BIRC6: variants seen among roughly 807,000 people sequenced by gnomAD.
BIRC6 encodes dual E2 ubiquitin-conjugating enzyme/E3 ubiquitin-protein ligase BIRC6.
Under a neutral mutation model 503.3 loss-of-function variants are expected in BIRC6, and 98 were observed. The ratio of observed to expected loss-of-function variants is 0.19; its 90% CI spans 0.17 to 0.23. The LOEUF (loss-of-function observed/expected upper bound fraction) is 0.23. Among genes scored for constraint, BIRC6 ranks in the 10% least tolerant of loss-of-function variants. The pLI, the probability that BIRC6 is intolerant of heterozygous loss-of-function variation, is 1.00. For synonymous variants in BIRC6, 2,240 were observed against 2,078.7 expected (o/e 1.08, Z -2.11); for missense variants, 5,360 against 5,806.0 (o/e 0.92, Z 2.50).
chr2:32,581,171 G>T (rs2060650608), intron 66 of BIRC6, among the ~76,000 whole-genome samples: 1 of 152,166 alleles, frequency 6.6e-6, no homozygotes, highest in African/African-American at 2.4e-5. Flanking sequence ...GAATGGCAGG[G>T]TGAGACTCCA....
At chr2:32,402,212 G>T (rs945140113) in intron 8 of BIRC6, among the ~76,000 whole-genome samples, 1 of 152,172 alleles carries the variant, frequency 6.6e-6, no homozygotes, top group Non-Finnish European at 1.5e-5. Flanking sequence ...GATTTTTGTG[G>T]TGGGGTGGGA....
chr2:32,357,943 C>T lies in BIRC6; in HGVS notation c.325+457C>T, dbSNP rs371867828. Among the ~76,000 whole-genome samples, 848 of 151,940 alleles carry T rather than the reference C, an allele frequency of 5.6e-3. 9 individuals carry two copies. The highest frequency in any genetic ancestry group is 0.017 in the South Asian group (81 of 4,812). On this transcript the variant is annotated intron_variant, in intron 1 of 73. Transcript: ENST00000421745. The surrounding 1 kb of genome is among the most constrained non-coding windows in gnomAD (Gnocchi z 4.9). The stretch of plus-strand genomic sequence containing the variant: ...GAGCGTCTGAGCCGGCAACCAAGCC[C>T]TCCCTTGTGGGAGAGGAGCCGGCAG...
At chr2:32,564,382 A>G (rs61406788) in intron 65 of BIRC6, 215 of 152,158 alleles carry the variant, frequency 1.4e-3, no homozygotes, top group African/African-American at 5.0e-3. Context: ...GTTGATGTCT[A>G]TTTGTTTTTG....
intron 1 of BIRC6, among the ~76,000 whole-genome samples, chr2:32,375,698 T>C (rs886576160): frequency 6.6e-6 from 1 of 152,058 alleles, no homozygotes; most frequent in Admixed American, 6.5e-5. Flanking sequence ...ATTTACCGTA[T>C]TGATAAGTGC....
chr2:32,510,618 C>G lies in BIRC6; in HGVS notation c.10330C>G (p.Pro3444Ala). The G allele has an allele frequency of 6.3e-7, 1 of 1,595,618 alleles. No homozygotes were observed. Among genetic ancestry groups the G allele is most frequent in the Non-Finnish European group, 8.6e-7 (1 of 1,163,506 alleles). The change falls in exon 53 of 74, where the codon CCT (proline) becomes GCT (alanine). Residue 3444 changes from proline (P) to alanine (A), a missense_variant. Coordinates refer to ENST00000421745, the MANE Select transcript of BIRC6 (RefSeq NM_016252.4). ...ILYQLGTTQD[P>A]GTKDRIQALL... ...TTACCAGCTTGGAACAACTCAGGAT[C>G]CTGGTACAAAAGACAGGTACGATTT... is the stretch of plus-strand genomic sequence containing the variant.
chr2:32,460,207 A>G (rs900232313), intron 23 of BIRC6, among the ~76,000 whole-genome samples: 2 of 127,450 alleles, frequency 1.6e-5, no homozygotes, highest in Non-Finnish European at 3.2e-5. Flanking sequence ...TATATCATAT[A>G]TGATATATAT....
intron 73 of BIRC6, among the ~76,000 whole-genome samples, chr2:32,612,477 C>T (rs994831461): frequency 5.3e-5 from 8 of 152,038 alleles, no homozygotes; most frequent in African/African-American, 1.5e-4. Flanking sequence ...TTTCTATCTT[C>T]AGGTTTTTCC....
chr2:32,434,698 A>G (rs924966034), intron 13 of BIRC6, among the ~76,000 whole-genome samples: 8 of 151,948 alleles, frequency 5.3e-5, no homozygotes, highest in African/African-American at 1.9e-4. Flanking sequence ...TTTTTTAAAA[A>G]AATTAGCTGG....
intron 66 of BIRC6, among the ~76,000 whole-genome samples, chr2:32,589,863 A>C (rs1334286460): frequency 3.9e-5 from 6 of 152,158 alleles, no homozygotes; most frequent in Non-Finnish European, 7.4e-5. Flanking sequence ...CTAGTATAGA[A>C]ATCAAGGTTT....
At chr2:32,380,657 C>T (rs796671553) in intron 3 of BIRC6, among the ~76,000 whole-genome samples, 47 of 152,012 alleles carry the variant, frequency 3.1e-4, no homozygotes, top group African/African-American at 1.1e-3. Flanking sequence ...ACCCAGGAGG[C>T]GGAGTTAGCT....
chr2:32,450,631 G>A (rs924869000), intron 22 of BIRC6, among the ~76,000 whole-genome samples: 30 of 152,078 alleles, frequency 2.0e-4, no homozygotes, highest in Non-Finnish European at 4.3e-4. Context: ...CCACATTGAG[G>A]ATATCACCAT....
At chr2:32,602,038 GT>G (rs1242640805) in intron 70 of BIRC6, among the ~76,000 whole-genome samples, 15 of 152,256 alleles carry the variant, frequency 9.9e-5, no homozygotes, top group African/African-American at 3.6e-4. Context: ...ATTAAAAATA[GT>G]TATTTTAGTA....
intron 23 of BIRC6, among the ~76,000 whole-genome samples, chr2:32,454,599 A>G (rs1201363165): frequency 6.6e-6 from 1 of 152,182 alleles, no homozygotes; most frequent in African/African-American, 2.4e-5. Flanking sequence ...TGTATTAGTC[A>G]CTGAAGGGTT....
intron 57 of BIRC6, among the ~76,000 whole-genome samples, chr2:32,524,401 C>T (rs377237521): frequency 1.2e-4 from 19 of 152,238 alleles, no homozygotes; most frequent in African/African-American, 4.6e-4. Context: ...GTAATATAAG[C>T]AGAAGTCTAG....
intron 4 of BIRC6, among the ~76,000 whole-genome samples, chr2:32,391,165 G>A (rs2039183582): frequency 6.6e-6 from 1 of 152,206 alleles, no homozygotes; most frequent in Non-Finnish European, 1.5e-5. Flanking sequence ...ATCAGTGCAA[G>A]CTGTGGTAAA....
intron 64 of BIRC6, 73 bp downstream of exon 64, chr2:32,548,087 A>G: frequency 7.6e-7 from 1 of 1,311,244 alleles, no homozygotes; most frequent in Non-Finnish European, 1.0e-6. Flanking sequence ...AATATTGATA[A>G]CTAATCCAAC....
At position 32,479,651 on chromosome 2, in the gene BIRC6, A is replaced by G. The variant is rs77112332; in HGVS notation, c.7408+34A>G. ...TTACATTATGTTTCTTCTTTATTCT[A>G]TTAAATGGAAACATGTTTCAAAATA... On this transcript the variant is annotated intron_variant, in intron 37 of 73. Coordinates refer to ENST00000421745, the MANE Select transcript of BIRC6 (RefSeq NM_016252.4). 661 of 1,465,384 alleles carry G rather than the reference A, an allele frequency of 4.5e-4. 3 individuals are homozygous for G. In the African/African-American group the frequency reaches 7.2e-3, roughly 16 times the overall value. The allele number at this position is 1,465,384 out of a possible 1,614,324, so 90.8% of individuals were successfully genotyped here. A position where few individuals can be genotyped will look rare whatever the true frequency, so the allele number is the denominator to read the frequency against.
chr2:32,421,306 C>T (rs2042935183), intron 10 of BIRC6, among the ~76,000 whole-genome samples: 1 of 151,892 alleles, frequency 6.6e-6, no homozygotes, highest in Admixed American at 6.6e-5. Flanking sequence ...AGGGTCTCAC[C>T]ACGTTGGCCA....
At chr2:32,396,917 G>A (rs768934216) in intron 6 of BIRC6, among the ~76,000 whole-genome samples, 12 of 151,954 alleles carry the variant, frequency 7.9e-5, no homozygotes, top group Admixed American at 3.3e-4. Flanking sequence ...TAGTAGAGAC[G>A]GGGTTTCGCC....
Sources: allele counts gnomAD v4.1 joint callset (sites outside exome capture counted in the v4.1 genomes callset), GRCh38; gene constraint gnomAD v4.1.1; non-coding constraint Gnocchi (gnomAD v3.1); transcripts MANE v1.5; gene names NCBI Gene and HGNC (gene_info 2026-07-23, HGNC 2026-07-21).